Variants in TAMM41 observed in about 807,000 individuals in gnomAD.
The protein encoded by TAMM41 is phosphatidate cytidylyltransferase, mitochondrial.
TAMM41 carries 36 observed loss-of-function variants against 44.1 expected under a neutral mutation model. That is an observed-to-expected ratio of 0.82 (90% CI 0.63 to 1.08). TAMM41 has a LOEUF of 1.08. TAMM41 is among the 50% of genes least tolerant of loss of function. The probability of loss-of-function intolerance (pLI) is 0.00; values close to 1 mark genes in which losing one functional copy is unlikely to be tolerated. For missense variants in TAMM41, 417 were observed against 404.3 expected, an observed-to-expected ratio of 1.03 and a Z score of -0.27; for synonymous variants, 164 against 153.1, an observed-to-expected ratio of 1.07 and a Z score of -0.53.
At chr3:11,777,821 G>A in the TAMM41 span, among the ~76,000 whole-genome samples, 4 of 151,986 alleles carry the variant, frequency 2.6e-5, no homozygotes, top group East Asian at 1.9e-4. Context: ...TAAATTCAGC[G>A]TTTTTATTTA....
chr3:11,749,535 G>C, the TAMM41 span, among the ~76,000 whole-genome samples: 10 of 152,310 alleles, frequency 6.6e-5, no homozygotes, highest in South Asian at 2.1e-3. Context: ...GAGTTGCTCA[G>C]GCTCTGTTAA....
chr3:11,781,751 T>G, the TAMM41 span, among the ~76,000 whole-genome samples: 1 of 95,746 alleles, frequency 1.0e-5, no homozygotes. Flanking sequence ...ATAATAATAA[T>G]AATAATAATA....
chr3:11,765,551 C>T, the TAMM41 span, among the ~76,000 whole-genome samples: 6 of 152,132 alleles, frequency 3.9e-5, no homozygotes, highest in Admixed American at 1.3e-4. Context: ...TCAGGATACC[C>T]CATATTAAAT....
chr3:11,761,807 C>T, the TAMM41 span, among the ~76,000 whole-genome samples: 11 of 151,710 alleles, frequency 7.3e-5, no homozygotes, highest in East Asian at 1.9e-4. Flanking sequence ...ATTAGCCGTG[C>T]GTGGTGGCGA....
the TAMM41 span, among the ~76,000 whole-genome samples, chr3:11,743,023 C>T: frequency 2.0e-5 from 3 of 152,226 alleles, no homozygotes; most frequent in South Asian, 2.1e-4. Context: ...GTGTAGGCCC[C>T]CCCAACCAGA....
chr3:11,809,440 T>C (rs2078019088), intron 6 of TAMM41, 77 bp downstream of exon 6: 1 of 1,540,740 alleles, frequency 6.5e-7, no homozygotes, highest in Non-Finnish European at 8.9e-7. Context: ...AAGGAAGAAA[T>C]AATACATTCC....
chr3:11,756,319 C>A, the TAMM41 span, among the ~76,000 whole-genome samples: 2 of 152,286 alleles, frequency 1.3e-5, no homozygotes, highest in East Asian at 3.9e-4. Context: ...GTGTGATTCT[C>A]TTTTCTCATG....
chr3:11,809,509 A>C lies in TAMM41; in HGVS notation c.874+8T>G. Reference sequence around the variant, plus strand: ...GGCATTTCCTCAACATCAAATTCATAAACGTACCTAGTCGCACCACATCTC... The same window carrying C: ...GGCATTTCCTCAACATCAAATTCATCAACGTACCTAGTCGCACCACATCTC... On this transcript the variant is annotated splice_region_variant and intron_variant, in intron 6 of 7. Coordinates refer to ENST00000455809, the MANE Select transcript of TAMM41 (RefSeq NM_001284401.2). 1.9e-6 allele frequency: 3 copies of C among 1,612,762 alleles called. No individual in the cohort carries two copies. Among genetic ancestry groups the C allele is most frequent in the Non-Finnish European group, 8.5e-7 (1 of 1,179,744 alleles).
At chr3:11,793,482 C>G (rs1051792573) in intron 7 of TAMM41, among the ~76,000 whole-genome samples, 3 of 152,134 alleles carry the variant, frequency 2.0e-5, no homozygotes, top group Admixed American at 6.5e-5. Flanking sequence ...GGTATTCTAC[C>G]CCTCAGTACA....
chr3:11,844,983 C>T (rs922288416), intron 1 of TAMM41: 2 of 456,576 alleles, frequency 4.4e-6, no homozygotes, highest in South Asian at 3.1e-5. Flanking sequence ...GTGAGTTAAA[C>T]AGACTTGCTG....
chr3:11,768,060 C>T, the TAMM41 span, among the ~76,000 whole-genome samples: 1 of 151,296 alleles, frequency 6.6e-6, no homozygotes, highest in African/African-American at 2.4e-5. Context: ...TTGCACTGCC[C>T]TGATGGCTAA....
chr3:11,734,152 C>T, the TAMM41 span, among the ~76,000 whole-genome samples: 1 of 152,144 alleles, frequency 6.6e-6, no homozygotes, highest in South Asian at 2.1e-4. Context: ...AGAACCCGGG[C>T]CTTTGGTGGC....
At chr3:11,820,478 G>A (rs546474455) in intron 4 of TAMM41, among the ~76,000 whole-genome samples, 20 of 152,248 alleles carry the variant, frequency 1.3e-4, no homozygotes, top group African/African-American at 3.1e-4. Context: ...CCAGGCTCTC[G>A]GAGAACAAGG....
chr3:11,746,258 C>G, the TAMM41 span, among the ~76,000 whole-genome samples: 1 of 148,940 alleles, frequency 6.7e-6, no homozygotes, highest in African/African-American at 2.5e-5. Flanking sequence ...GAGCCGAGAT[C>G]GCACCACTGC....
chr3:11,839,843 C>A (rs2079355641), intron 2 of TAMM41, among the ~76,000 whole-genome samples: 1 of 152,188 alleles, frequency 6.6e-6, no homozygotes, highest in Non-Finnish European at 1.5e-5. Flanking sequence ...TGTCTTACTG[C>A]TCAGGAGACA....
the TAMM41 span, among the ~76,000 whole-genome samples, chr3:11,739,851 T>C: frequency 6.6e-6 from 1 of 151,890 alleles, no homozygotes; most frequent in African/African-American, 2.4e-5. Flanking sequence ...ATTGTTTCTT[T>C]CCCCCGGCTT....
At chr3:11,793,083 A>AAAAAAAAGAG (rs1553566249) in intron 7 of TAMM41, among the ~76,000 whole-genome samples, 1 of 132,666 alleles carries the variant, frequency 7.5e-6, no homozygotes, top group African/African-American at 2.7e-5. Context: ...AAAAAAAAAA[A>AAAAAAAAGAG]AGAGAGTGAA....
the TAMM41 span, among the ~76,000 whole-genome samples, chr3:11,759,468 G>A: frequency 6.6e-4 from 100 of 151,934 alleles, 1 homozygote; most frequent in South Asian, 0.019. Context: ...ACCTCCTGAG[G>A]GAACTCCTTC....
At chr3:11,766,407 A>G in the TAMM41 span, among the ~76,000 whole-genome samples, 4 of 152,184 alleles carry the variant, frequency 2.6e-5, no homozygotes, top group Middle Eastern at 3.4e-3. Context: ...GACTCAATCA[A>G]TCAGCCCATC....
Sources: allele counts gnomAD v4.1 joint callset (sites outside exome capture counted in the v4.1 genomes callset), GRCh38; gene constraint gnomAD v4.1.1; transcripts MANE v1.5; gene names NCBI Gene and HGNC (gene_info 2026-07-23, HGNC 2026-07-21).